The following TNFAIP8L3 variants were observed in gnomAD, a reference collection of about 807,000 sequenced individuals.
TNFAIP8L3 encodes TNF alpha induced protein 8 like 3.
TNFAIP8L3 carries 7 observed loss-of-function variants against 11.8 expected under a neutral mutation model. That is an observed-to-expected ratio of 0.59 (90% CI 0.34 to 1.11). The LOEUF is 1.11. Among genes scored for constraint, TNFAIP8L3 ranks in the 50% most tolerant of loss-of-function variants. The pLI, the probability that TNFAIP8L3 is intolerant of heterozygous loss-of-function variation, is 0.03. For synonymous variants in TNFAIP8L3, 98 were observed against 103.8 expected, an observed-to-expected ratio of 0.94 and a Z score of 0.34; for missense variants, 219 against 258.6, an observed-to-expected ratio of 0.85 and a Z score of 1.05.
chr15:51,069,701 C>T (rs1207069310), intron 1 of TNFAIP8L3: 1 of 152,220 alleles, frequency 6.6e-6, no homozygotes, highest in Non-Finnish European at 1.5e-5. Context: ...CTGATCCTCA[C>T]AACAATTCCT....
intron 1 of TNFAIP8L3, among the ~76,000 whole-genome samples, chr15:51,063,472 G>T (rs931045933): frequency 2.0e-5 from 3 of 152,190 alleles, no homozygotes; most frequent in Non-Finnish European, 4.4e-5. Context: ...TACAACTTAA[G>T]AGTGGAGGAA....
At chr15:51,061,684 T>C (rs926237572) in intron 1 of TNFAIP8L3, among the ~76,000 whole-genome samples, 47 of 152,174 alleles carry the variant, frequency 3.1e-4, no homozygotes, top group African/African-American at 3.1e-4. Flanking sequence ...AAAGGATGCA[T>C]ATGAATTTAA....
At chr15:51,066,618 C>A (rs905049266) in intron 1 of TNFAIP8L3, among the ~76,000 whole-genome samples, 3 of 152,158 alleles carry the variant, frequency 2.0e-5, no homozygotes, top group Admixed American at 2.0e-4. Flanking sequence ...CACCCCTTCC[C>A]GTCTCCTTTT....
chr15:51,063,661 T>C (rs904372733), intron 1 of TNFAIP8L3, among the ~76,000 whole-genome samples: 6 of 152,248 alleles, frequency 3.9e-5, no homozygotes, highest in Non-Finnish European at 7.3e-5. Flanking sequence ...TTACTCTTAG[T>C]GTGGCTATGT....
At chr15:51,099,961 G>A (rs1355428215) in intron 1 of TNFAIP8L3, among the ~76,000 whole-genome samples, 2 of 152,146 alleles carry the variant, frequency 1.3e-5, no homozygotes, top group African/African-American at 4.8e-5. Context: ...TGAGTTTTTT[G>A]TTGCTGTCTA....
chr15:51,092,074 C>T (rs1332141834), intron 1 of TNFAIP8L3, among the ~76,000 whole-genome samples: 1 of 152,210 alleles, frequency 6.6e-6, no homozygotes, highest in Non-Finnish European at 1.5e-5. Flanking sequence ...CAGACTGAAA[C>T]TCAGGTCTGT....
chr15:51,075,683 C>G (rs2065344772), intron 1 of TNFAIP8L3, among the ~76,000 whole-genome samples: 1 of 152,134 alleles, frequency 6.6e-6, no homozygotes, highest in Admixed American at 6.5e-5. Flanking sequence ...CAGTCTAATG[C>G]AATAAAAATG....
rs1275211025 is a variant in TNFAIP8L3, at chr15:51,056,932, CAG to C, written c.*947_*948del. 2 of 149,076 alleles carry C rather than the reference CAG, an allele frequency of 1.3e-5. No homozygotes were observed. Among genetic ancestry groups the C allele is most frequent in the Non-Finnish European group, 2.9e-5 (2 of 67,986 alleles). The allele number at this position is 149,076 out of a possible 1,614,324, so 9.2% of individuals were successfully genotyped here. ...TATTATTATTATTATTTTTTAGAGA[CAG>C]AGTCTTGCTCTGTTGCCCAGGCTGG... On this transcript the variant is annotated 3_prime_UTR_variant, in exon 2 of 2. Coordinates refer to ENST00000637513, the MANE Select transcript of TNFAIP8L3 (RefSeq NM_001311175.2).
chr15:51,077,769 C>A (rs1203982605), intron 1 of TNFAIP8L3, among the ~76,000 whole-genome samples: 1 of 152,334 alleles, frequency 6.6e-6, no homozygotes, highest in African/African-American at 2.4e-5. Flanking sequence ...GAACAGGGGG[C>A]GGAGCCTCAG....
chr15:51,065,101 T>A (rs2065261981), intron 1 of TNFAIP8L3, among the ~76,000 whole-genome samples: 1 of 152,150 alleles, frequency 6.6e-6, no homozygotes, highest in Admixed American at 6.5e-5. Context: ...AGAATAGACA[T>A]AAAAATGTGA....
intron 1 of TNFAIP8L3, among the ~76,000 whole-genome samples, chr15:51,102,862 C>T (rs1265515600): frequency 6.6e-6 from 1 of 152,166 alleles, no homozygotes; most frequent in Non-Finnish European, 1.5e-5. Context: ...CTGATCTTTC[C>T]TCTCCTTTTA....
At chr15:51,062,964 G>A (rs149107032) in intron 1 of TNFAIP8L3, among the ~76,000 whole-genome samples, 3 of 152,242 alleles carry the variant, frequency 2.0e-5, no homozygotes, top group African/African-American at 7.2e-5. Context: ...TGAAAACAGA[G>A]GTTGGAGTGA....
intron 1 of TNFAIP8L3, among the ~76,000 whole-genome samples, chr15:51,071,486 T>C (rs1258284593): frequency 6.6e-6 from 1 of 152,252 alleles, no homozygotes; most frequent in African/African-American, 2.4e-5. Flanking sequence ...ATCAACATCA[T>C]GTTTAAATTT....
At chr15:51,077,061 T>C (rs942629966) in intron 1 of TNFAIP8L3, among the ~76,000 whole-genome samples, 2 of 152,128 alleles carry the variant, frequency 1.3e-5, no homozygotes, top group African/African-American at 2.4e-5. Flanking sequence ...GTGTAACACC[T>C]GGGGCATCGA....
chr15:51,093,952 T>G (rs939909965), intron 1 of TNFAIP8L3, among the ~76,000 whole-genome samples: 9 of 152,086 alleles, frequency 5.9e-5, no homozygotes, highest in African/African-American at 2.2e-4. Context: ...CCTGCGTCTG[T>G]GTTCGGGGAC....
chr15:51,084,395 G>C lies in TNFAIP8L3; in HGVS notation c.52+10149C>G, dbSNP rs138012641. On this transcript the variant is annotated intron_variant, in intron 1 of 1. Coordinates refer to ENST00000637513, the MANE Select transcript of TNFAIP8L3 (RefSeq NM_001311175.2). ...GTATTTAATCATTCCATAAATATTT[G>C]ACTGAATATTCAAGTTGTTTATTTA... 2.0e-3 allele frequency among the ~76,000 whole-genome samples: 302 copies of C among 152,198 alleles called. 2 individuals are homozygous for C. The highest frequency in any genetic ancestry group is 6.6e-3 in the African/African-American group (275 of 41,512).
chr15:51,098,732 G>A (rs1185773331), upstream of TNFAIP8L3, among the ~76,000 whole-genome samples: 2 of 152,212 alleles, frequency 1.3e-5, no homozygotes, highest in Non-Finnish European at 2.9e-5. Context: ...CATATCTTTT[G>A]AGAAGTTTCC....
chr15:51,080,914 C>T (rs905447316), intron 1 of TNFAIP8L3, among the ~76,000 whole-genome samples: 1 of 152,172 alleles, frequency 6.6e-6, no homozygotes, highest in Non-Finnish European at 1.5e-5. Flanking sequence ...GGATGGTTTG[C>T]CTTGGTCTAG....
At chr15:51,087,793 A>G (rs934361557) in intron 1 of TNFAIP8L3, among the ~76,000 whole-genome samples, 24 of 151,850 alleles carry the variant, frequency 1.6e-4, no homozygotes, top group Admixed American at 6.6e-5. Context: ...TTCCCAGGCA[A>G]TGATGCTTAG....
Sources: gnomAD v4.1 joint callset for allele counts (sites outside exome capture counted in the v4.1 genomes callset) on GRCh38, gnomAD v4.1.1 for gene constraint, MANE v1.5 for transcripts, NCBI Gene and HGNC (gene_info 2026-07-23, HGNC 2026-07-21) for gene names.